Variants in SLC4A7 observed in about 807,000 individuals in gnomAD.
SLC4A7 encodes the protein sodium bicarbonate cotransporter 3.
A neutral mutation model predicts 137.6 loss-of-function variants in SLC4A7; 51 were observed. That is an observed-to-expected ratio of 0.37 (90% CI 0.30 to 0.47). The LOEUF is 0.47. Ranked by LOEUF, SLC4A7 falls within the 20% of genes least tolerant of loss-of-function variation. The probability of loss-of-function intolerance (pLI) is 1.00; values close to 1 mark genes in which losing one functional copy is unlikely to be tolerated. For missense variants in SLC4A7, 1,247 were observed against 1,525.4 expected, an observed-to-expected ratio of 0.82 and a Z score of 3.04; for synonymous variants, 542 against 518.6, an observed-to-expected ratio of 1.05 and a Z score of -0.61.
intron 3 of SLC4A7, among the ~76,000 whole-genome samples, chr3:27,444,140 T>C (rs1413579659): frequency 1.3e-5 from 2 of 152,210 alleles, no homozygotes; most frequent in Non-Finnish European, 2.9e-5. Context: ...TCTGTTTATT[T>C]ACTCTATCAG....
Position 27,436,446 on chromosome 3 carries a change from G to C in SLC4A7, c.531C>G (p.Cys177Trp), listed in dbSNP as rs751421129. The C allele has an allele frequency of 1.2e-6, 2 of 1,613,520 alleles. No individual in the cohort carries two copies. The highest frequency in any genetic ancestry group is 2.2e-5 in the South Asian group (2 of 91,044). Residue 177 changes from cysteine (C) to tryptophan (W), a missense_variant, in exon 5 of 26, where the codon TGC becomes TGG. Physicochemically the swap from Cys to Trp is radical, Grantham distance 215 (BLOSUM62 -2). Coordinates refer to ENST00000454389, the MANE Select transcript of SLC4A7 (RefSeq NM_001321103.2). ...SLHSLFELRS[C>W]ILNGTVMLDM... ...CCAGCATGACTGTTCCATTGAGGAT[G>C]CAACTCCTTAGTTCAAAAAGACTGT...
At chr3:27,453,121 C>T (rs1183274813) in intron 1 of SLC4A7, among the ~76,000 whole-genome samples, 1 of 152,060 alleles carries the variant, frequency 6.6e-6, no homozygotes, top group African/African-American at 2.4e-5. Flanking sequence ...CTTTTCAGTT[C>T]AACAAAAAGA....
At chr3:27,395,144 A>G in intron 18 of SLC4A7, 29 bp from the exon 19 acceptor site, 1 of 1,529,980 alleles carries the variant, frequency 6.5e-7, no homozygotes, top group East Asian at 2.3e-5. Flanking sequence ...TAATTTTCAA[A>G]AAGTCTCCTT....
At chr3:27,481,335 A>G (rs1360568886) in intron 1 of SLC4A7, among the ~76,000 whole-genome samples, 1 of 152,248 alleles carries the variant, frequency 6.6e-6, no homozygotes, top group Non-Finnish European at 1.5e-5. Flanking sequence ...AAGCAACCAT[A>G]GAGGCTAAAC....
chr3:27,448,457 A>G (rs1383735355), intron 3 of SLC4A7, among the ~76,000 whole-genome samples, 194 bp downstream of exon 3: 1 of 151,896 alleles, frequency 6.6e-6, no homozygotes, highest in Admixed American at 6.6e-5. Flanking sequence ...TTGACCTATA[A>G]AGATTTTTCT....
Position 27,434,077 on chromosome 3 carries a change from G to A in SLC4A7, c.617C>T (p.Ser206Phe). Residue 206 changes from serine (S) to phenylalanine (F), a missense_variant, in exon 6 of 26, where the codon TCT becomes TTT. Transcript: ENST00000454389. ...ADMVLDNMIA[S>F]GQLDESIREN... ...TCGTATGGACTCGTCTAATTGGCCA[G>A]AAGCTATCATGTTGTCTAATACCAT... 1 of 1,612,342 alleles carries A rather than the reference G, an allele frequency of 6.2e-7. No homozygotes were observed. Among genetic ancestry groups the A allele is most frequent in the Non-Finnish European group, 8.5e-7 (1 of 1,179,356 alleles).
At chr3:27,379,488 C>T (rs2150002670) in intron 24 of SLC4A7, 132 bp from the exon 25 acceptor site, 1 of 576,518 alleles carries the variant, frequency 1.7e-6, no homozygotes, top group Middle Eastern at 3.9e-4. Context: ...AATTCTGTTA[C>T]AAAGTCCTTA....
intron 15 of SLC4A7, among the ~76,000 whole-genome samples, chr3:27,402,363 C>T (rs1157519407): frequency 1.3e-5 from 2 of 151,508 alleles, no homozygotes; most frequent in East Asian, 1.9e-4. Flanking sequence ...TTTATCAAAA[C>T]GAAAACACAT....
At chr3:27,386,242 TG>T (rs2050940664) in intron 22 of SLC4A7, among the ~76,000 whole-genome samples, 1 of 149,694 alleles carries the variant, frequency 6.7e-6, no homozygotes. Context: ...AAAAAGGAAA[TG>T]GCATTCTTAA....
intron 1 of SLC4A7, among the ~76,000 whole-genome samples, chr3:27,460,332 G>A (rs903060553): frequency 2.6e-5 from 4 of 151,912 alleles, no homozygotes; most frequent in African/African-American, 9.7e-5. Flanking sequence ...CACTGCACCG[G>A]GCCTATATTT....
chr3:27,376,680 A>G lies in SLC4A7; in HGVS notation c.*84T>C, dbSNP rs893829581. 1.5e-4 allele frequency: 127 copies of G among 840,524 alleles called. No individual in the cohort carries two copies. The highest frequency in any genetic ancestry group is 2.1e-4 in the Non-Finnish European group (110 of 519,074). The allele number at this position is 840,524 out of a possible 1,614,324, so 52.1% of individuals were successfully genotyped here. On this transcript the variant is annotated 3_prime_UTR_variant, in exon 26 of 26. Coordinates refer to ENST00000454389, the MANE Select transcript of SLC4A7 (RefSeq NM_001321103.2). ...GGTAGTCACACATAAACAGCATGAC[A>G]TACAATATTCTTATATATAGTGACA...
rs969482331 is a variant in SLC4A7, at chr3:27,375,638, C to A, written c.*1126G>T. On this transcript the variant is annotated 3_prime_UTR_variant, in exon 26 of 26. Transcript: ENST00000454389. ...AAACATAAATGAAAGTAAGCACCAA[C>A]TATTTACATTAACAATTTACTCTAT... The A allele has an allele frequency of 5.3e-5, 8 of 152,334 alleles. No homozygotes were observed. The highest frequency in any genetic ancestry group is 1.0e-4 in the Non-Finnish European group (7 of 67,856). 9.4% of individuals were successfully genotyped at this position (152,334 alleles called of 1,614,324 possible). A position where few individuals can be genotyped will look rare whatever the true frequency, so the allele number is the denominator to read the frequency against.
intron 3 of SLC4A7, among the ~76,000 whole-genome samples, chr3:27,445,763 C>CAAAAAAAAAA: frequency 1.0e-5 from 1 of 99,638 alleles, no homozygotes; most frequent in Non-Finnish European, 1.9e-5. Flanking sequence ...ACTAAAAATA[C>CAAAAAAAAAA]AAAAAAAAAA....
chr3:27,388,481 T>A (rs781778124), intron 22 of SLC4A7, among the ~76,000 whole-genome samples: 1 of 152,190 alleles, frequency 6.6e-6, no homozygotes, highest in South Asian at 2.1e-4. Flanking sequence ...CCTGATACTT[T>A]AAGGACAGGT....
At chr3:27,470,800 G>C (rs2059211476) in intron 1 of SLC4A7, among the ~76,000 whole-genome samples, 1 of 152,180 alleles carries the variant, frequency 6.6e-6, no homozygotes, top group South Asian at 2.1e-4. Flanking sequence ...AAATTAGCTG[G>C]GCGTGGTGGC....
At chr3:27,405,601 G>C (rs1425083989) in intron 13 of SLC4A7, among the ~76,000 whole-genome samples, 1 of 152,072 alleles carries the variant, frequency 6.6e-6, no homozygotes, top group African/African-American at 2.4e-5. Flanking sequence ...AAAAAGAACT[G>C]CTATAAAAAG....
intron 14 of SLC4A7, 139 bp downstream of exon 14, chr3:27,404,691 T>G: frequency 1.6e-6 from 1 of 633,524 alleles, no homozygotes; most frequent in East Asian, 3.1e-5. Flanking sequence ...CAGAGGATGG[T>G]CAATCATACA....
At chr3:27,454,061 A>G (rs1450699795) in intron 1 of SLC4A7, among the ~76,000 whole-genome samples, 1 of 152,194 alleles carries the variant, frequency 6.6e-6, no homozygotes, top group African/African-American at 2.4e-5. Context: ...CTGAAATCCC[A>G]GTACTTTGGG....
chr3:27,471,324 A>C (rs2059237127), intron 1 of SLC4A7, among the ~76,000 whole-genome samples: 1 of 152,232 alleles, frequency 6.6e-6, no homozygotes, highest in South Asian at 2.1e-4. Context: ...AATTTTATTT[A>C]ACAATAACTA....
Sources: allele counts gnomAD v4.1 joint callset (sites outside exome capture counted in the v4.1 genomes callset), GRCh38; gene constraint gnomAD v4.1.1; transcripts MANE v1.5; gene names NCBI Gene and HGNC (gene_info 2026-07-23, HGNC 2026-07-21).